The following XPO6 variants were observed in gnomAD, a reference collection of about 807,000 sequenced individuals.
The protein encoded by XPO6 is exportin-6.
XPO6 carries 3 observed loss-of-function variants against 130.0 expected under a neutral mutation model. That is an observed-to-expected ratio of 0.02 (90% confidence interval 0.01 to 0.06). The LOEUF (loss-of-function observed/expected upper bound fraction) is 0.06, where lower values mean the gene tolerates loss of function less well. XPO6 is among the 10% of genes least tolerant of loss of function. XPO6 has a pLI of 1.00. For synonymous variants in XPO6, 524 were observed against 548.9 expected, an observed-to-expected ratio of 0.95 and a Z score of 0.63; for missense variants, 970 against 1,393.0, an observed-to-expected ratio of 0.70 and a Z score of 4.83.
Position 28,135,359 on chromosome 16 carries a change from G to C in XPO6, c.1335-35C>G, listed in dbSNP as rs565698199. 14 of 1,574,010 alleles carry C rather than the reference G, an allele frequency of 8.9e-6. No homozygotes were observed. The East Asian group carries it at 2.7e-4, about 30-fold the overall frequency. On this transcript the variant is annotated intron_variant, in intron 9 of 23. Coordinates refer to ENST00000304658, the MANE Select transcript of XPO6 (RefSeq NM_015171.4). ...AGGGAGAAATTCAACATTGAAAGGA[G>C]GCTTTCAGCTTAGAATTTGGAAAAT...
intron 21 of XPO6, among the ~76,000 whole-genome samples, chr16:28,102,778 C>CA (rs905940659): frequency 1.5e-4 from 23 of 151,888 alleles, no homozygotes; most frequent in Non-Finnish European, 1.0e-4. Context: ...AGTTCAGGGG[C>CA]AAAAAGAAAC....
At position 28,106,519 on chromosome 16, in the gene XPO6, T is replaced by A. The variant is rs2086785897; in HGVS notation, c.2498-22A>T. 1.3e-6 allele frequency: 2 copies of A among 1,597,092 alleles called. No homozygotes were observed. Among genetic ancestry groups the A allele is most frequent in the Non-Finnish European group, 1.7e-6 (2 of 1,165,202 alleles). ...ACATCTGAGGAAAGGGGCAGAGATATCGTCAGAGGCTTGCACACAGTGAGA... is the reference window on the plus strand; with the variant it reads ...ACATCTGAGGAAAGGGGCAGAGATAACGTCAGAGGCTTGCACACAGTGAGA... On this transcript the variant is annotated intron_variant, in intron 18 of 23. Coordinates refer to ENST00000304658, the MANE Select transcript of XPO6 (RefSeq NM_015171.4). The surrounding 1 kb of genome is among the most constrained non-coding windows in gnomAD (Gnocchi z 4.2).
At position 28,124,484 on chromosome 16, in the gene XPO6, C is replaced by T. The variant is rs568956205; in HGVS notation, c.1766+1205G>A. Among the ~76,000 whole-genome samples the T allele has an allele frequency of 5.3e-5, 8 of 152,148 alleles. No individual in the cohort carries two copies. In the South Asian group the frequency reaches 1.5e-3, roughly 28 times the overall value. ...AACCTCAGTGCAAATGGGCCCAGTA[C>T]AAGAAGAGGAGGAGGAACGGACTGG... On this transcript the variant is annotated intron_variant, in intron 13 of 23. Coordinates refer to ENST00000304658, the MANE Select transcript of XPO6 (RefSeq NM_015171.4).
chr16:28,198,654 T>A (rs2043906204), intron 1 of XPO6, among the ~76,000 whole-genome samples: 1 of 150,810 alleles, frequency 6.6e-6, no homozygotes, highest in Non-Finnish European at 1.5e-5. Flanking sequence ...AGAAAAAAAA[T>A]AATAATTTTA....
At chr16:28,105,629 A>C (rs1282890525) in intron 20 of XPO6, 4 of 161,362 alleles carry the variant, frequency 2.5e-5, no homozygotes, top group Non-Finnish European at 5.4e-5. Flanking sequence ...CTATTTTCTA[A>C]GAAGGACAAA....
rs930898261 is a variant in XPO6 at position 28,132,501 on chromosome 16, G to A, written c.1537-98C>T. 6 of 804,044 alleles carry A rather than the reference G, an allele frequency of 7.5e-6. No homozygotes were observed. The highest frequency in any genetic ancestry group is 7.1e-5 in the African/African-American group (4 of 56,438). The allele number at this position is 804,044 out of a possible 1,614,324, so 49.8% of individuals were successfully genotyped here. On this transcript the variant is annotated intron_variant, in intron 11 of 23. Coordinates refer to ENST00000304658, the MANE Select transcript of XPO6 (RefSeq NM_015171.4). This position sits in a 1 kb window ranked among gnomAD's most constrained non-coding sequence, Gnocchi z 4.0. ...CAACATTAACACGTAACTATGGTGTGAGGAACAGGATCAAAACCTTTTCTC... is the reference window on the plus strand; with the variant it reads ...CAACATTAACACGTAACTATGGTGTAAGGAACAGGATCAAAACCTTTTCTC...
intron 2 of XPO6, among the ~76,000 whole-genome samples, chr16:28,180,653 A>G (rs28680882): frequency 0.99 from 151,251 of 152,262 alleles, 75,128 homozygotes; most frequent in Middle Eastern, 1. Flanking sequence ...GCAACATAGC[A>G]AGACCCTGTC....
At chr16:28,163,011 T>C (rs559365402) in intron 6 of XPO6, among the ~76,000 whole-genome samples, 22 of 152,200 alleles carry the variant, frequency 1.4e-4, no homozygotes, top group African/African-American at 2.2e-4. Context: ...GCGGGGTGTT[T>C]AGCAGCATCC....
chr16:28,194,454 T>G (rs1260389149), intron 1 of XPO6, among the ~76,000 whole-genome samples: 1 of 152,126 alleles, frequency 6.6e-6, no homozygotes, highest in Non-Finnish European at 1.5e-5. Context: ...GCAAACACTT[T>G]TTTTCTTTTT....
intron 11 of XPO6, 80 bp downstream of exon 11, chr16:28,133,761 G>A: frequency 7.8e-7 from 1 of 1,285,848 alleles, no homozygotes; most frequent in Non-Finnish European, 1.1e-6. Context: ...GAGAGAGAGA[G>A]AGATCCAGGG....
intron 8 of XPO6, among the ~76,000 whole-genome samples, chr16:28,148,196 A>C (rs926544283): frequency 3.9e-5 from 6 of 152,342 alleles, no homozygotes; most frequent in Non-Finnish European, 8.8e-5. Context: ...AAAGTACTTT[A>C]TAATTATACA....
intron 4 of XPO6, 27 bp downstream of exon 4, chr16:28,175,871 A>T (rs200107754): frequency 9.2e-5 from 148 of 1,600,442 alleles, no homozygotes; most frequent in Admixed American, 2.0e-4. Context: ...TATTCACAAG[A>T]TAAAGTTTCC....
Position 28,135,199 on chromosome 16 carries a change from CAG to C in XPO6, c.1443+15_1443+16del. ...AACATGACAGCGACAAAAAATCAAT[CAG>C]GGCATGCCGCTTACATCGTCATCCA... On this transcript the variant is annotated intron_variant, in intron 10 of 23. Coordinates refer to ENST00000304658, the MANE Select transcript of XPO6 (RefSeq NM_015171.4). 6.2e-7 allele frequency: 1 copy of C among 1,605,236 alleles called. No homozygotes were observed. The highest frequency in any genetic ancestry group is 1.7e-5 in the Admixed American group (1 of 59,452).
chr16:28,185,678 T>G (rs964888345), intron 1 of XPO6, among the ~76,000 whole-genome samples: 31 of 152,194 alleles, frequency 2.0e-4, no homozygotes, highest in African/African-American at 7.5e-4. Flanking sequence ...CAGGTAACAG[T>G]GTGAGCATGA....
chr16:28,169,134 C>T (rs2043409656), intron 5 of XPO6, among the ~76,000 whole-genome samples: 1 of 152,250 alleles, frequency 6.6e-6, no homozygotes, highest in Admixed American at 6.5e-5. Flanking sequence ...GCATACATGT[C>T]TCCCTAGCAA....
At chr16:28,136,252 C>T (rs1231708909) in intron 9 of XPO6, among the ~76,000 whole-genome samples, 4 of 152,278 alleles carry the variant, frequency 2.6e-5, no homozygotes, top group East Asian at 1.9e-4. Context: ...ACAGAGTCTC[C>T]TCTGTCACCC....
intron 1 of XPO6, among the ~76,000 whole-genome samples, chr16:28,207,295 G>A (rs1390312732): frequency 6.6e-6 from 1 of 151,038 alleles, no homozygotes; most frequent in African/African-American, 2.4e-5. Context: ...ACCTTAGCAG[G>A]CAATTCAATT....
At chr16:28,119,909 G>A (rs1194450565) in intron 14 of XPO6, among the ~76,000 whole-genome samples, 3 of 152,120 alleles carry the variant, frequency 2.0e-5, no homozygotes, top group African/African-American at 7.2e-5. Context: ...CCAGGCTGGA[G>A]AGCAGTGGTG....
At chr16:28,146,965 T>C (rs1417913433) in intron 8 of XPO6, among the ~76,000 whole-genome samples, 1 of 152,140 alleles carries the variant, frequency 6.6e-6, no homozygotes, top group Admixed American at 6.6e-5. Flanking sequence ...AGCTACTCCT[T>C]CCCCTATGCA....
Sources: gnomAD v4.1 joint callset for allele counts (sites outside exome capture counted in the v4.1 genomes callset) on GRCh38, gnomAD v4.1.1 for gene constraint, Gnocchi (gnomAD v3.1) non-coding constraint, MANE v1.5 for transcripts, NCBI Gene and HGNC (gene_info 2026-07-23, HGNC 2026-07-21) for gene names.